PTPN13: variants seen among roughly 807,000 people sequenced by gnomAD.
The protein encoded by PTPN13 is tyrosine-protein phosphatase non-receptor type 13.
In PTPN13, 191 loss-of-function variants were observed where a neutral mutation model predicts 284.0. The ratio of observed to expected loss-of-function variants is 0.67; its 90% CI spans 0.60 to 0.76. The LOEUF is 0.76. Ranked by LOEUF, PTPN13 falls within the 30% of genes least tolerant of loss-of-function variation. The pLI is 0.00. For missense variants in PTPN13, 2,797 were observed against 2,939.9 expected (o/e 0.95, Z 1.12); for synonymous variants, 986 against 1,022.3 (o/e 0.96, Z 0.68).
chr4:86,713,292 A>T (rs919692140), intron 7 of PTPN13, among the ~76,000 whole-genome samples: 1 of 152,138 alleles, frequency 6.6e-6, no homozygotes, highest in Non-Finnish European at 1.5e-5. Context: ...AAAATTTAGC[A>T]TGAGGATTCT....
chr4:86,785,483 G>T, intron 39 of PTPN13, 115 bp downstream of exon 39: 1 of 945,796 alleles, frequency 1.1e-6, no homozygotes, highest in Non-Finnish European at 1.5e-6. Flanking sequence ...TCATTCATGT[G>T]TAATATTTCA....
intron 10 of PTPN13, among the ~76,000 whole-genome samples, chr4:86,730,882 G>A (rs545102235): frequency 6.6e-6 from 1 of 152,152 alleles, no homozygotes; most frequent in Non-Finnish European, 1.5e-5. Context: ...CCCGTCTTCT[G>A]TGTCGATCAC....
At chr4:86,603,498 C>T (rs755222110) in intron 1 of PTPN13, among the ~76,000 whole-genome samples, 1 of 152,070 alleles carries the variant, frequency 6.6e-6, no homozygotes, top group East Asian at 1.9e-4. Context: ...ATTGTGCATG[C>T]TTTTAATAGC....
intron 23 of PTPN13, among the ~76,000 whole-genome samples, chr4:86,759,380 C>A (rs1034777796): frequency 6.6e-6 from 1 of 152,188 alleles, no homozygotes; most frequent in Admixed American, 6.5e-5. Context: ...CTCATTATCC[C>A]AGTCTTCAGT....
chr4:86,686,172 G>T (rs1008665453), intron 3 of PTPN13, among the ~76,000 whole-genome samples: 2 of 152,134 alleles, frequency 1.3e-5, no homozygotes, highest in Non-Finnish European at 2.9e-5. Context: ...GACGAGCCTG[G>T]CCAACATGGC....
intron 6 of PTPN13, among the ~76,000 whole-genome samples, chr4:86,698,097 GC>G (rs1215495971): frequency 6.6e-6 from 1 of 152,138 alleles, no homozygotes; most frequent in Non-Finnish European, 1.5e-5. Flanking sequence ...ATCTAGTCAA[GC>G]AATAATGTTA....
At chr4:86,626,399 T>C (rs1721839013) in intron 1 of PTPN13, among the ~76,000 whole-genome samples, 1 of 152,170 alleles carries the variant, frequency 6.6e-6, no homozygotes, top group African/African-American at 2.4e-5. Flanking sequence ...ACATGCTGTT[T>C]CTACCTTGTG....
chr4:86,666,413 T>TTC (rs1009638789), intron 2 of PTPN13, among the ~76,000 whole-genome samples: 3 of 151,682 alleles, frequency 2.0e-5, no homozygotes, highest in South Asian at 4.1e-4. Context: ...CTTCTCTCTC[T>TTC]TCTCTCTCTC....
intron 1 of PTPN13, among the ~76,000 whole-genome samples, chr4:86,612,908 T>TC (rs1027402887): frequency 1.3e-5 from 2 of 152,018 alleles, no homozygotes; most frequent in Non-Finnish European, 2.9e-5. Context: ...TGGTTTTTTT[T>TC]CCCCAGATAT....
At chr4:86,680,411 A>G (rs924901563) in intron 3 of PTPN13, among the ~76,000 whole-genome samples, 2 of 146,842 alleles carry the variant, frequency 1.4e-5, no homozygotes, top group Non-Finnish European at 3.0e-5. Context: ...CTCTATCTCT[A>G]TCTCTGTCTC....
Position 86,732,694 on chromosome 4 carries a change from G to T in PTPN13, c.1786G>T (p.Asp596Tyr). 1 of 1,613,644 alleles carries T rather than the reference G, an allele frequency of 6.2e-7. No homozygotes were observed. The highest frequency in any genetic ancestry group is 8.5e-7 in the Non-Finnish European group (1 of 1,179,704). The change falls in exon 12 of 48, where the codon GAT (aspartate) becomes TAT (tyrosine). Residue 596 changes from aspartate (D) to tyrosine (Y), a missense_variant. Asp to Tyr is a radical substitution (Grantham distance 160, BLOSUM62 -3). Transcript: ENST00000411767. ...LTCDTKTICK[D>Y]VFDMVVAHIG... The stretch of plus-strand genomic sequence containing the variant: ...CTGTGATACCAAAACTATATGTAAA[G>T]ATGTGTTTGATATGGTTGTGGCACA...
At chr4:86,781,623 A>T (rs994500503) in intron 36 of PTPN13, among the ~76,000 whole-genome samples, 1 of 152,218 alleles carries the variant, frequency 6.6e-6, no homozygotes, top group African/African-American at 2.4e-5. Context: ...AATTATAATC[A>T]GTGTATCACA....
At chr4:86,814,003 T>C (rs1364775647) in intron 47 of PTPN13, among the ~76,000 whole-genome samples, 1 of 109,460 alleles carries the variant, frequency 9.1e-6, no homozygotes, top group Middle Eastern at 3.9e-3. Context: ...CCTGCTTCTT[T>C]TTTTTTTTTT....
At chr4:86,649,956 G>T (rs1724886278) in intron 2 of PTPN13, among the ~76,000 whole-genome samples, 1 of 152,056 alleles carries the variant, frequency 6.6e-6, no homozygotes, top group Non-Finnish European at 1.5e-5. Flanking sequence ...CCATTTTTGT[G>T]TGTCCTCTTC....
At chr4:86,635,512 T>C (rs1004778586) in intron 2 of PTPN13, 141 bp downstream of exon 2, 8 of 1,301,658 alleles carry the variant, frequency 6.1e-6, no homozygotes, top group Non-Finnish European at 8.2e-6. Context: ...TTTCCTTATC[T>C]CTTTTAGGGC....
At chr4:86,683,213 G>A (rs570502885) in intron 3 of PTPN13, among the ~76,000 whole-genome samples, 29 of 151,976 alleles carry the variant, frequency 1.9e-4, no homozygotes, top group African/African-American at 5.5e-4. Flanking sequence ...GGGTTGGCTC[G>A]TGCAATTATG....
intron 4 of PTPN13, 145 bp from the exon 5 acceptor site, chr4:86,688,860 C>A: frequency 1.8e-6 from 1 of 557,356 alleles, no homozygotes; most frequent in Non-Finnish European, 3.0e-6. Flanking sequence ...CAGTAAAATG[C>A]TTATGCTGAT....
chr4:86,627,903 T>C (rs1212909363), intron 1 of PTPN13, among the ~76,000 whole-genome samples: 1 of 152,222 alleles, frequency 6.6e-6, no homozygotes, highest in Non-Finnish European at 1.5e-5. Flanking sequence ...ATAATTTTTA[T>C]TGCTGATTAG....
chr4:86,684,139 C>G (rs937089362), intron 3 of PTPN13, among the ~76,000 whole-genome samples: 15 of 148,654 alleles, frequency 1.0e-4, no homozygotes, highest in African/African-American at 3.7e-4. Flanking sequence ...GGAGGACAAA[C>G]AAGGACTCAT....
Sources: gnomAD v4.1 joint callset for allele counts (sites outside exome capture counted in the v4.1 genomes callset) on GRCh38, gnomAD v4.1.1 for gene constraint, MANE v1.5 for transcripts, NCBI Gene and HGNC (gene_info 2026-07-23, HGNC 2026-07-21) for gene names.